Variants in ATP10B observed in about 807,000 individuals in gnomAD.
ATP10B encodes ATPase phospholipid transporting 10B (putative), also known as phospholipid-transporting ATPase VB.
In ATP10B, 122 loss-of-function variants were observed where a neutral mutation model predicts 141.2. That is an observed-to-expected ratio of 0.86 (90% CI 0.75 to 1.00). ATP10B has a LOEUF of 1.00. Ranked by LOEUF, ATP10B falls within the 50% of genes least tolerant of loss-of-function variation. ATP10B has a pLI of 0.00. For missense variants in ATP10B, 1,876 were observed against 1,825.3 expected, an observed-to-expected ratio of 1.03 and a Z score of -0.51; for synonymous variants, 685 against 692.0, an observed-to-expected ratio of 0.99 and a Z score of 0.16.
At chr5:160,818,817 C>T (rs898756522) in intron 1 of ATP10B, among the ~76,000 whole-genome samples, 6 of 152,090 alleles carry the variant, frequency 3.9e-5, no homozygotes, top group Non-Finnish European at 8.8e-5. Context: ...TACTATGCAG[C>T]CATAAAAAAT....
At chr5:160,825,623 C>T (rs1471110082) in intron 1 of ATP10B, among the ~76,000 whole-genome samples, 1 of 152,156 alleles carries the variant, frequency 6.6e-6, no homozygotes, top group African/African-American at 2.4e-5. Context: ...TTCACCAATG[C>T]CATTTAATTA....
intron 6 of ATP10B, chr5:160,685,103 C>T: frequency 1.4e-6 from 1 of 703,468 alleles, no homozygotes; most frequent in Non-Finnish European, 2.6e-6. Context: ...ATTTGATTCC[C>T]ACGATGATGT....
chr5:160,587,996 C>A (rs1484638872), intron 24 of ATP10B, among the ~76,000 whole-genome samples: 1 of 152,074 alleles, frequency 6.6e-6, no homozygotes, highest in African/African-American at 2.4e-5. Flanking sequence ...ATTACGGGCA[C>A]ATGCCATCAT....
the ATP10B span, among the ~76,000 whole-genome samples, chr5:160,913,250 G>C: frequency 6.6e-6 from 1 of 152,212 alleles, no homozygotes; most frequent in African/African-American, 2.4e-5. Flanking sequence ...ACCACACTGT[G>C]AAACTCAGTA....
At chr5:160,880,821 T>A in the ATP10B span, among the ~76,000 whole-genome samples, 1 of 152,012 alleles carries the variant, frequency 6.6e-6, no homozygotes, top group African/African-American at 2.4e-5. Flanking sequence ...AAATATAAAA[T>A]ACAAAACTAT....
intron 1 of ATP10B, among the ~76,000 whole-genome samples, chr5:160,827,442 T>C (rs980856143): frequency 6.6e-6 from 1 of 152,234 alleles, no homozygotes; most frequent in East Asian, 1.9e-4. Flanking sequence ...TTGTTGGCCA[T>C]GTGTATGGCT....
At chr5:160,662,160 G>A (rs974885096) in intron 7 of ATP10B, among the ~76,000 whole-genome samples, 2 of 152,064 alleles carry the variant, frequency 1.3e-5, no homozygotes, top group Non-Finnish European at 2.9e-5. Flanking sequence ...ACAAACAAAT[G>A]GAAGAACATT....
At chr5:160,881,260 A>G in the ATP10B span, among the ~76,000 whole-genome samples, 235 of 152,348 alleles carry the variant, frequency 1.5e-3, no homozygotes, top group Middle Eastern at 3.4e-3. Context: ...CACACCTATT[A>G]GAATTATCAA....
intron 1 of ATP10B, among the ~76,000 whole-genome samples, chr5:160,822,908 T>C (rs563578375): frequency 5.6e-4 from 82 of 146,394 alleles, no homozygotes; most frequent in African/African-American, 2.0e-3. Flanking sequence ...AGATGGCTAA[T>C]GGGTACAAAA....
chr5:160,626,708 C>T (rs1368654941), intron 13 of ATP10B, among the ~76,000 whole-genome samples: 1 of 152,176 alleles, frequency 6.6e-6, no homozygotes, highest in Non-Finnish European at 1.5e-5. Flanking sequence ...GACAAACTTT[C>T]AGGTGGTGTT....
chr5:160,898,602 C>T, the ATP10B span, among the ~76,000 whole-genome samples: 3 of 152,172 alleles, frequency 2.0e-5, no homozygotes, highest in Admixed American at 6.5e-5. Flanking sequence ...CCTCAAGGAT[C>T]TAGAACCAGA....
intron 3 of ATP10B, among the ~76,000 whole-genome samples, chr5:160,704,685 C>T (rs554851044): frequency 1.3e-5 from 2 of 152,168 alleles, no homozygotes; most frequent in South Asian, 4.1e-4. Flanking sequence ...CATCTTCTTC[C>T]AATATAAGGT....
At chr5:160,617,775 A>G in intron 16 of ATP10B, 89 bp downstream of exon 16, 1 of 1,140,710 alleles carries the variant, frequency 8.8e-7, no homozygotes, top group Non-Finnish European at 1.3e-6. Flanking sequence ...AACCACCTCT[A>G]AGGGTCTTTT....
In ATP10B at chr5:160,610,325, C is replaced by T. The variant is rs115799436; in HGVS notation, c.2838+2416G>A. Among the ~76,000 whole-genome samples, 1,377 of 152,212 alleles carry T rather than the reference C, an allele frequency of 9.0e-3. 16 individuals are homozygous for T. Among genetic ancestry groups the T allele is most frequent in the African/African-American group, 0.031 (1,302 of 41,530 alleles). ...AGGCCCACAGAGTGAGAAACTGAGGCCTGCTAACAGTCATGTAGGTGAATT... is the reference window on the plus strand; with the variant it reads ...AGGCCCACAGAGTGAGAAACTGAGGTCTGCTAACAGTCATGTAGGTGAATT... On this transcript the variant is annotated intron_variant, in intron 18 of 25. Transcript: ENST00000327245.
rs151253456 is a variant in ATP10B, at chr5:160,817,183, T to C, written c.-575-31380A>G. Reference sequence around the variant, plus strand: ...TCAGGCAGGAGAAGGAAATAAAGGGTATACAATTAGGAAAAGAGGAAGTCA... The same window carrying C: ...TCAGGCAGGAGAAGGAAATAAAGGGCATACAATTAGGAAAAGAGGAAGTCA... On this transcript the variant is annotated intron_variant, in intron 1 of 25. Coordinates refer to ENST00000327245, the MANE Select transcript of ATP10B (RefSeq NM_025153.3). 2.3e-4 allele frequency among the ~76,000 whole-genome samples: 35 copies of C among 152,204 alleles called. No individual in the cohort carries two copies. The East Asian group carries it at 5.6e-3, about 24-fold the overall frequency.
chr5:160,826,656 A>G (rs1774624851), intron 1 of ATP10B, among the ~76,000 whole-genome samples: 1 of 152,186 alleles, frequency 6.6e-6, no homozygotes, highest in African/African-American at 2.4e-5. Context: ...TTCTTCTTGC[A>G]GAGAGCCTAT....
Position 160,818,465 on chromosome 5 carries a change from A to AG in ATP10B, c.-575-32663dup, listed in dbSNP as rs1349181050. 4.6e-5 allele frequency among the ~76,000 whole-genome samples: 7 copies of AG among 152,336 alleles called. No homozygotes were observed. In the East Asian group the frequency reaches 1.2e-3, roughly 25 times the overall value. ...CCACAATGAGATACCATCTCACACC[A>AG]GTTAGAATGGCGATCATTAAAAGTC... is the stretch of plus-strand genomic sequence containing the variant. On this transcript the variant is annotated intron_variant, in intron 1 of 25. Coordinates refer to ENST00000327245, the MANE Select transcript of ATP10B (RefSeq NM_025153.3).
chr5:160,585,771 G>T (rs922544640), intron 24 of ATP10B, among the ~76,000 whole-genome samples: 2 of 152,146 alleles, frequency 1.3e-5, no homozygotes, highest in Non-Finnish European at 1.5e-5. Flanking sequence ...TCTGTGTCCT[G>T]TCCCAGTTCC....
rs1754484127 is a variant in ATP10B, at chr5:160,565,598, G to A, written c.4241C>T (p.Ser1414Leu). The A allele has an allele frequency of 1.2e-6, 2 of 1,614,078 alleles. No individual in the cohort carries two copies. The highest frequency in any genetic ancestry group is 2.2e-5 in the East Asian group (1 of 44,858). The change falls in exon 26 of 26, where the codon TCA (serine) becomes TTA (leucine). Residue 1414 changes from serine to leucine, a missense_variant. Coordinates refer to ENST00000327245, the MANE Select transcript of ATP10B (RefSeq NM_025153.3). The stretch of plus-strand genomic sequence containing the variant: ...TGAGAGTTGAGCTGAGGAGTCCCCT[G>A]AGCATGAGTCATCCCTCATGCACTC... ...GTECMRDDSC[S>L]GDSSAQLSSG...
Sources: allele counts gnomAD v4.1 joint callset (sites outside exome capture counted in the v4.1 genomes callset), GRCh38; gene constraint gnomAD v4.1.1; transcripts MANE v1.5; gene names NCBI Gene and HGNC (gene_info 2026-07-23, HGNC 2026-07-21).